The following CASD1 variants were observed in gnomAD, a reference collection of about 807,000 sequenced individuals.
CASD1 encodes CAS1 domain sialic acid O acetyltransferase 1.
CASD1 carries 41 observed loss-of-function variants against 100.0 expected under a neutral mutation model. The ratio of observed to expected loss-of-function variants is 0.41; its 90% CI spans 0.32 to 0.53. The LOEUF (loss-of-function observed/expected upper bound fraction) is 0.53, where lower values mean the gene tolerates loss of function less well. CASD1 is among the 20% of genes least tolerant of loss of function. CASD1 has a pLI of 0.25. For synonymous variants in CASD1, 321 were observed against 315.6 expected (o/e 1.02, Z -0.18); for missense variants, 774 against 948.7 (o/e 0.82, Z 2.42).
chr7:94,535,161 T>C (rs896380052), intron 7 of CASD1, 148 bp from the exon 8 acceptor site: 11 of 599,152 alleles, frequency 1.8e-5, no homozygotes, highest in Admixed American at 3.3e-5. Context: ...TTTGGGAAGC[T>C]TTGCGTAAAA....
intron 3 of CASD1, among the ~76,000 whole-genome samples, chr7:94,520,318 A>G (rs536147100): frequency 3.3e-5 from 5 of 152,198 alleles, no homozygotes; most frequent in Non-Finnish European, 7.4e-5. Flanking sequence ...AAAGCCTGGT[A>G]TGGGTATGTC....
chr7:94,596,096 T>G, the CASD1 span, among the ~76,000 whole-genome samples: 1 of 152,214 alleles, frequency 6.6e-6, no homozygotes, highest in Middle Eastern at 3.4e-3. Flanking sequence ...CGTATGTGTT[T>G]AAATTGTTGC....
At chr7:94,623,505 T>C in the CASD1 span, 1 of 751,598 alleles carries the variant, frequency 1.3e-6, no homozygotes, top group Non-Finnish European at 2.3e-6. Context: ...TTTTCATTAT[T>C]TGTTGATATA....
chr7:94,532,123 T>A (rs1318936588), intron 5 of CASD1, among the ~76,000 whole-genome samples: 1 of 152,126 alleles, frequency 6.6e-6, no homozygotes, highest in African/African-American at 2.4e-5. Context: ...TATACAGTAG[T>A]CCCCATTTAT....
the CASD1 span, among the ~76,000 whole-genome samples, chr7:94,576,780 G>C: frequency 2.0e-5 from 3 of 152,138 alleles, no homozygotes; most frequent in East Asian, 3.9e-4. Flanking sequence ...GATTTCTCCT[G>C]GACTTAATCC....
chr7:94,532,867 T>TA (rs1794919006), intron 5 of CASD1, among the ~76,000 whole-genome samples: 1 of 152,192 alleles, frequency 6.6e-6, no homozygotes, highest in African/African-American at 2.4e-5. Context: ...TTGACTGACA[T>TA]AATACACTAG....
the CASD1 span, among the ~76,000 whole-genome samples, chr7:94,566,300 AAGG>A: frequency 7.9e-5 from 12 of 152,176 alleles, no homozygotes; most frequent in Non-Finnish European, 1.6e-4. Flanking sequence ...TAAGCAAGGA[AAGG>A]AGGGAAACAA....
chr7:94,598,587 T>C, the CASD1 span: 1 of 608,096 alleles, frequency 1.6e-6, no homozygotes, highest in Non-Finnish European at 2.9e-6. Flanking sequence ...GGAAAAAAAG[T>C]GCATTTCCTA....
chr7:94,528,383 T>G (rs1258232395), intron 5 of CASD1, 133 bp downstream of exon 5: 2 of 579,256 alleles, frequency 3.5e-6, no homozygotes, highest in Non-Finnish European at 5.9e-6. Flanking sequence ...GCAACTAAAC[T>G]GTGCTGGACT....
chr7:94,517,068 C>T (rs2116194757), intron 1 of CASD1, among the ~76,000 whole-genome samples: 1 of 152,002 alleles, frequency 6.6e-6, no homozygotes, highest in African/African-American at 2.4e-5. Context: ...CACATCCAGC[C>T]AATTTTTGTA....
intron 7 of CASD1, among the ~76,000 whole-genome samples, chr7:94,534,317 C>T (rs1039841304): frequency 2.6e-5 from 4 of 151,868 alleles, no homozygotes; most frequent in Non-Finnish European, 5.9e-5. Flanking sequence ...CAGGTGTGCA[C>T]CACCACACCC....
At chr7:94,542,683 G>A (rs949499678) in intron 10 of CASD1, among the ~76,000 whole-genome samples, 3 of 152,150 alleles carry the variant, frequency 2.0e-5, no homozygotes, top group Non-Finnish European at 4.4e-5. Flanking sequence ...CCATCTAAAG[G>A]TGGAATGGAT....
At chr7:94,522,085 A>G (rs896255573) in intron 3 of CASD1, among the ~76,000 whole-genome samples, 1 of 152,212 alleles carries the variant, frequency 6.6e-6, no homozygotes, top group African/African-American at 2.4e-5. Flanking sequence ...CTCCATTTCA[A>G]AAAAGAAAAG....
intron 1 of CASD1, among the ~76,000 whole-genome samples, chr7:94,510,558 G>A (rs1019820493): frequency 2.6e-5 from 4 of 152,202 alleles, no homozygotes; most frequent in African/African-American, 7.2e-5. Flanking sequence ...TCAGGGGCTC[G>A]CGTGCAGGAA....
chr7:94,575,427 C>G, the CASD1 span, among the ~76,000 whole-genome samples: 1 of 152,094 alleles, frequency 6.6e-6, no homozygotes, highest in East Asian at 1.9e-4. Context: ...GGTATGATTT[C>G]CATTGTTTTG....
At chr7:94,601,443 C>CA in the CASD1 span, among the ~76,000 whole-genome samples, 611 of 89,180 alleles carry the variant, frequency 6.9e-3, 60 homozygotes, top group Admixed American at 8.4e-3. Flanking sequence ...ATCCCAGTAT[C>CA]AAAAAAAAAA....
intron 3 of CASD1, among the ~76,000 whole-genome samples, chr7:94,519,503 A>G (rs1183668726): frequency 6.6e-6 from 1 of 152,188 alleles, no homozygotes; most frequent in Non-Finnish European, 1.5e-5. Context: ...CCATGTGAGA[A>G]TGAGAATAAT....
chr7:94,517,461 C>T lies in CASD1; in HGVS notation c.134-99C>T, dbSNP rs1028690854. On this transcript the variant is annotated intron_variant, in intron 1 of 17. Coordinates refer to ENST00000297273, the MANE Select transcript of CASD1 (RefSeq NM_022900.5). ...GGGCGGTACAGTGAAACAGAGAAAA[C>T]TCTACTTTTTTATTTCAAGGAACTT... is the stretch of plus-strand genomic sequence containing the variant. 11 of 677,214 alleles carry T rather than the reference C, an allele frequency of 1.6e-5. No individual in the cohort carries two copies. In the African/African-American group the frequency reaches 2.0e-4, roughly 12 times the overall value. The allele number at this position is 677,214 out of a possible 1,614,324, so 42.0% of individuals were successfully genotyped here.
At chr7:94,566,408 AAAG>A in the CASD1 span, among the ~76,000 whole-genome samples, 4 of 151,984 alleles carry the variant, frequency 2.6e-5, no homozygotes, top group East Asian at 1.9e-4. Context: ...TACTTATAAA[AAAG>A]AAATATTTCT....
Sources: allele counts gnomAD v4.1 joint callset (sites outside exome capture counted in the v4.1 genomes callset), GRCh38; gene constraint gnomAD v4.1.1; transcripts MANE v1.5; gene names NCBI Gene and HGNC (gene_info 2026-07-23, HGNC 2026-07-21).